Variants in SCN9A observed in about 807,000 individuals in gnomAD.
The protein encoded by SCN9A is sodium channel protein type 9 subunit alpha.
In SCN9A, 131 loss-of-function variants were observed where a neutral mutation model predicts 187.0. The ratio of observed to expected loss-of-function variants is 0.70; its 90% confidence interval spans 0.61 to 0.81. The LOEUF is 0.81. Ranked by LOEUF, SCN9A falls within the 30% of genes least tolerant of loss-of-function variation. The pLI is 0.00. For missense variants in SCN9A, 2,252 were observed against 2,396.6 expected (o/e 0.94, Z 1.26); for synonymous variants, 809 against 808.6 (o/e 1.00, Z -0.01).
intron 17 of SCN9A, among the ~76,000 whole-genome samples, chr2:166,258,962 A>T (rs1696393533): frequency 6.6e-6 from 1 of 151,702 alleles, no homozygotes; most frequent in Non-Finnish European, 1.5e-5. Flanking sequence ...TAATCAATTC[A>T]ATAAAAATCT....
intron 1 of SCN9A, among the ~76,000 whole-genome samples, chr2:166,320,624 T>C (rs1699214286): frequency 6.6e-6 from 1 of 152,198 alleles, no homozygotes; most frequent in South Asian, 2.1e-4. Flanking sequence ...TGCATGGTTT[T>C]CAACAATATC....
rs757989638 is a variant in SCN9A at position 166,272,625 on chromosome 2, G to A, written c.3125C>T (p.Thr1042Ile). Residue 1042 changes from threonine to isoleucine, a missense_variant, in exon 17 of 27, where the codon ACA becomes ATA. Coordinates refer to ENST00000642356, the MANE Select transcript of SCN9A (RefSeq NM_001365536.1). ...TKKENYISNHTLAEMSKGHNF... is the reference protein window; with the variant it reads ...TKKENYISNHILAEMSKGHNF... The stretch of plus-strand genomic sequence containing the variant: ...GTGACCTTTGCTCATTTCAGCAAGT[G>A]TATGGTTAGAAATATAGTTTTCCTT... 29 of 1,613,158 alleles carry A rather than the reference G, an allele frequency of 1.8e-5. No individual in the cohort carries two copies. The highest frequency in any genetic ancestry group is 1.7e-4 in the Middle Eastern group (1 of 6,058).
intron 21 of SCN9A, among the ~76,000 whole-genome samples, chr2:166,231,074 C>G (rs1007877316): frequency 6.6e-6 from 1 of 152,190 alleles, no homozygotes; most frequent in Non-Finnish European, 1.5e-5. Flanking sequence ...ATATACTAAA[C>G]TATTCTCCTG....
chr2:166,201,082 A>G (rs1279105636), intron 26 of SCN9A, among the ~76,000 whole-genome samples: 1 of 151,866 alleles, frequency 6.6e-6, no homozygotes, highest in Non-Finnish European at 1.5e-5. Context: ...TTGTTACTGA[A>G]ATGAATATCT....
intron 24 of SCN9A, among the ~76,000 whole-genome samples, chr2:166,225,250 T>C (rs1478032906): frequency 3.9e-5 from 6 of 152,188 alleles, no homozygotes; most frequent in Non-Finnish European, 4.4e-5. Flanking sequence ...AGCCATTCTT[T>C]TGCCTCTCCG....
intron 1 of SCN9A, among the ~76,000 whole-genome samples, chr2:166,318,799 G>A (rs1699170779): frequency 6.6e-6 from 1 of 152,014 alleles, no homozygotes; most frequent in South Asian, 2.1e-4. Flanking sequence ...GGTTACATGG[G>A]AAAATATGTA....
intron 8 of SCN9A, 109 bp from the exon 9 acceptor site, chr2:166,293,481 G>A (rs1698170174): frequency 2.2e-6 from 2 of 917,654 alleles, no homozygotes; most frequent in Middle Eastern, 2.3e-4. Context: ...GGACAATATT[G>A]AATAAGGATT....
At chr2:166,282,897 G>A (rs1468294315) in intron 12 of SCN9A, among the ~76,000 whole-genome samples, 1 of 152,120 alleles carries the variant, frequency 6.6e-6, no homozygotes, top group African/African-American at 2.4e-5. Context: ...GAATTTGTCA[G>A]ATTAAACAAA....
intron 9 of SCN9A, among the ~76,000 whole-genome samples, chr2:166,289,126 C>A (rs758451638): frequency 2.9e-4 from 44 of 149,486 alleles, no homozygotes; most frequent in Non-Finnish European, 5.2e-4. Context: ...TTTTCGCTTT[C>A]TTTGCTTTTT....
In SCN9A at chr2:166,277,023, A is replaced by G. The variant is rs751656218; in HGVS notation, c.2834T>C (p.Leu945Pro). ...GACCATGACCATCATGTAAACAATA[A>G]GGCACATAGCTTGACCAGCGACCTC... ...CMEVAGQAMCLIVYMMVMVIG... is the reference protein window; with the variant it reads ...CMEVAGQAMCPIVYMMVMVIG... The change falls in exon 16 of 27, where the codon CTT (leucine) becomes CCT (proline). Residue 945 changes from leucine to proline, a missense_variant. By Grantham distance (98) the Leu-to-Pro change is moderately conservative. Coordinates refer to ENST00000642356, the MANE Select transcript of SCN9A (RefSeq NM_001365536.1). 1 of 1,613,886 alleles carries G rather than the reference A, an allele frequency of 6.2e-7. No individual in the cohort carries two copies. The highest frequency in any genetic ancestry group is 1.3e-5 in the African/African-American group (1 of 74,894).
Position 166,257,398 on chromosome 2 carries a change from A to T in SCN9A, c.3352-5513T>A, listed in dbSNP as rs576871762. Among the ~76,000 whole-genome samples the T allele has an allele frequency of 4.0e-5, 6 of 151,808 alleles. No individual in the cohort carries two copies. In the South Asian group the frequency reaches 1.2e-3, roughly 31 times the overall value. ...CTAGATATCTGAATCATTTCTGTTAACTACTAATACTACCCACAATGAAGG... is the reference window on the plus strand; with the variant it reads ...CTAGATATCTGAATCATTTCTGTTATCTACTAATACTACCCACAATGAAGG... On this transcript the variant is annotated intron_variant, in intron 17 of 26. Transcript: ENST00000642356.
intron 26 of SCN9A, among the ~76,000 whole-genome samples, chr2:166,202,287 T>C (rs932617378): frequency 1.3e-5 from 2 of 151,716 alleles, no homozygotes; most frequent in African/African-American, 4.8e-5. Flanking sequence ...ACATATTTCC[T>C]ACTAGAATCT....
intron 18 of SCN9A, among the ~76,000 whole-genome samples, chr2:166,243,693 A>T (rs1695664258): frequency 6.6e-6 from 1 of 151,906 alleles, no homozygotes; most frequent in African/African-American, 2.4e-5. Context: ...AGCTTAGAAA[A>T]ATTGGTCAGA....
rs1264234784 is a variant in SCN9A, at chr2:166,198,958, G to C, written c.5681C>G (p.Thr1894Ser). Residue 1894 changes from threonine (T) to serine (S), a missense_variant, in exon 27 of 27, where the codon ACT becomes AGT. By Grantham distance (58) the Thr-to-Ser change is moderately conservative. Coordinates refer to ENST00000642356, the MANE Select transcript of SCN9A (RefSeq NM_001365536.1). ...ACGTCTATAAGCACGCTGAATGACA[G>C]TAGCAGACACATCCTCTTGTTTCCG... ...LKRKQEDVSA[T>S]VIQRAYRRYR... The C allele has an allele frequency of 3.1e-6, 5 of 1,613,886 alleles. No individual in the cohort carries two copies. The highest frequency in any genetic ancestry group is 1.3e-5 in the African/African-American group (1 of 74,912).
intron 1 of SCN9A, among the ~76,000 whole-genome samples, chr2:166,321,927 G>C (rs1012677755): frequency 3.3e-5 from 5 of 151,314 alleles, no homozygotes; most frequent in African/African-American, 4.9e-5. Context: ...AGCATCCTCA[G>C]TCAATCTGTT....
intron 1 of SCN9A, among the ~76,000 whole-genome samples, chr2:166,312,196 A>C (rs1382193382): frequency 1.3e-5 from 2 of 152,118 alleles, no homozygotes; most frequent in Non-Finnish European, 1.5e-5. Flanking sequence ...ATGCTGTTTT[A>C]CCAACTAAAC....
At chr2:166,228,194 A>G (rs546900162) in intron 22 of SCN9A, among the ~76,000 whole-genome samples, 13 of 151,568 alleles carry the variant, frequency 8.6e-5, no homozygotes, top group African/African-American at 3.2e-4. Context: ...CTCAAATGCA[A>G]CAGAACCCAT....
intron 1 of SCN9A, among the ~76,000 whole-genome samples, chr2:166,365,855 T>C (rs1021764021): frequency 6.6e-6 from 1 of 152,170 alleles, no homozygotes; most frequent in Admixed American, 6.5e-5. Context: ...TCTCTTAAAA[T>C]CGGCGTCACA....
chr2:166,203,803 T>C (rs547183319), intron 26 of SCN9A, among the ~76,000 whole-genome samples, 152 bp downstream of exon 26: 7 of 152,070 alleles, frequency 4.6e-5, no homozygotes, highest in African/African-American at 1.7e-4. Context: ...GAGACAGATA[T>C]TTGTTTTGCT....
Sources: gnomAD v4.1 joint callset for allele counts (sites outside exome capture counted in the v4.1 genomes callset) on GRCh38, gnomAD v4.1.1 for gene constraint, MANE v1.5 for transcripts, NCBI Gene and HGNC (gene_info 2026-07-23, HGNC 2026-07-21) for gene names.